XKR5: variants seen among roughly 807,000 people sequenced by gnomAD.
The protein encoded by XKR5 is XK-related protein 5.
XKR5 carries 46 observed loss-of-function variants against 40.8 expected under a neutral mutation model. That is an observed-to-expected ratio of 1.13 (90% CI 0.89 to 1.44). The LOEUF is 1.44. Among genes scored for constraint, XKR5 ranks in the 40% most tolerant of loss-of-function variants. The pLI is 0.00. For synonymous variants in XKR5, 466 were observed against 356.1 expected, an observed-to-expected ratio of 1.31 and a Z score of -3.48; for missense variants, 1,169 against 844.7, an observed-to-expected ratio of 1.38 and a Z score of -4.76.
intron 5 of XKR5, among the ~76,000 whole-genome samples, chr8:6,817,480 A>G (rs543931825): frequency 6.6e-6 from 1 of 152,108 alleles, no homozygotes; most frequent in South Asian, 2.1e-4. Context: ...CTCCAGACTC[A>G]GCACATATGA....
rs1045936571 is a variant in XKR5, at chr8:6,811,066, T to G, written c.*132A>C. ...GCCCTGTTTCTTCATTTTTCAGGGA[T>G]GCAGATGGAGATTCAGAGGTGACAG... On this transcript the variant is annotated 3_prime_UTR_variant, in exon 7 of 7. Coordinates refer to ENST00000618742, the MANE Select transcript of XKR5 (RefSeq NM_207411.5). 8.0e-5 allele frequency: 74 copies of G among 929,488 alleles called. No individual in the cohort carries two copies. Among genetic ancestry groups the G allele is most frequent in the Non-Finnish European group, 1.0e-4 (64 of 640,242 alleles). 57.6% of individuals were successfully genotyped at this position (929,488 alleles called of 1,614,324 possible).
In XKR5 at chr8:6,823,665, C is replaced by A; in HGVS notation, c.493G>T (p.Gly165Cys). The part of the protein sequence containing the change: ...WALVSYTRFM[G>C]FMKPGHLAMP... ...GCCAGGTGGCCTGGCTTCATGAAGC[C>A]CATGAAGCGAGTGTAGGACACCAGT... Residue 165 changes from glycine (G) to cysteine (C), a missense_variant, in exon 4 of 7, where the codon GGC becomes TGC. Transcript: ENST00000618742. 1 of 1,591,670 alleles carries A rather than the reference C, an allele frequency of 6.3e-7. No homozygotes were observed. The highest frequency in any genetic ancestry group is 8.6e-7 in the Non-Finnish European group (1 of 1,169,158).
intron 3 of XKR5, among the ~76,000 whole-genome samples, chr8:6,824,525 A>AATT (rs141743137): frequency 1.6e-4 from 25 of 151,736 alleles, no homozygotes; most frequent in East Asian, 1.9e-4. Context: ...CTTTGTTAAG[A>AATT]ATTATTATTA....
chr8:6,828,163 C>A (rs2702924), intron 2 of XKR5, among the ~76,000 whole-genome samples: 27,462 of 152,088 alleles, frequency 0.18, 2,825 homozygotes, highest in South Asian at 0.28. Flanking sequence ...CGAAAAGCTT[C>A]AAGAGGAAGA....
intron 5 of XKR5, among the ~76,000 whole-genome samples, chr8:6,818,877 C>T (rs543535684): frequency 2.6e-5 from 4 of 152,194 alleles, no homozygotes; most frequent in South Asian, 4.2e-4. Flanking sequence ...AAAGGCCCTA[C>T]GAAAAAGTAT....
Position 6,832,871 on chromosome 8 carries a change from T to G in XKR5, c.88A>C (p.Thr30Pro). The change falls in exon 2 of 7, where the codon ACA becomes CCA. Residue 30 changes from threonine (T) to proline (P), a missense_variant. Physicochemically the swap from Thr to Pro is conservative, Grantham distance 38 (BLOSUM62 -1). Coordinates refer to ENST00000618742, the MANE Select transcript of XKR5 (RefSeq NM_207411.5). ...AGCCACCCCCACAGAAGCCGTCCTG[T>G]GGTGAAGTAGTAAGCCACGGTGTAA... ...RLYTVAYYFT[T>P]GRLLWGWLAL... 8.1e-6 allele frequency: 13 copies of G among 1,605,564 alleles called. No homozygotes were observed. Among genetic ancestry groups the G allele is most frequent in the Non-Finnish European group, 1.1e-5 (13 of 1,176,954 alleles).
intron 2 of XKR5, among the ~76,000 whole-genome samples, chr8:6,829,939 G>A (rs529139408): frequency 2.0e-4 from 27 of 136,530 alleles, no homozygotes; most frequent in African/African-American, 7.2e-4. Context: ...ACGGGTTCAT[G>A]CCATTCTCCT....
intron 5 of XKR5, 61 bp from the exon 6 acceptor site, chr8:6,815,979 G>A (rs749018251): frequency 1.7e-5 from 22 of 1,297,896 alleles, no homozygotes; most frequent in Admixed American, 5.9e-5. Flanking sequence ...AGGGACCCCC[G>A]TCCCGTGAGT....
At chr8:6,825,701 C>G (rs1804440495) in intron 2 of XKR5, among the ~76,000 whole-genome samples, 1 of 152,114 alleles carries the variant, frequency 6.6e-6, no homozygotes, top group Non-Finnish European at 1.5e-5. Flanking sequence ...ACCCCGGATC[C>G]TCTTGGGATG....
rs1803586348 is a variant in XKR5 at position 6,809,518 on chromosome 8, G to C, written c.*1680C>G. ...TGCCCAGGCTGGTCTCGAACTTCTGGCCTCAAGTGATCTTCCCGCCTCAGC... is the reference window on the plus strand; with the variant it reads ...TGCCCAGGCTGGTCTCGAACTTCTGCCCTCAAGTGATCTTCCCGCCTCAGC... On this transcript the variant is annotated 3_prime_UTR_variant, in exon 7 of 7. Coordinates refer to ENST00000618742, the MANE Select transcript of XKR5 (RefSeq NM_207411.5). 6.6e-6 allele frequency: 1 copy of C among 152,038 alleles called. No individual in the cohort carries two copies. The highest frequency in any genetic ancestry group is 2.4e-5 in the African/African-American group (1 of 41,386). The allele number at this position is 152,038 out of a possible 1,614,324, so 9.4% of individuals were successfully genotyped here. A position where few individuals can be genotyped will look rare whatever the true frequency, so the allele number is the denominator to read the frequency against.
Position 6,811,893 on chromosome 8 carries a change from G to C in XKR5, c.1366C>G (p.Pro456Ala). 6.5e-7 allele frequency: 1 copy of C among 1,537,456 alleles called. No homozygotes were observed. Among genetic ancestry groups the C allele is most frequent in the Non-Finnish European group, 8.7e-7 (1 of 1,146,952 alleles). The change falls in exon 7 of 7, where the codon CCA becomes GCA. Residue 456 changes from proline to alanine, a missense_variant. Transcript: ENST00000618742. ...GTTGAGGGGTCACGGGATGAGGATG[G>C]GAGCTCTTGCTGGGCAGACAAGGCC... Reference protein sequence around the residue: ...RKALSAQQELPSSSRDPSTLE... With the variant: ...RKALSAQQELASSSRDPSTLE...
intron 2 of XKR5, among the ~76,000 whole-genome samples, chr8:6,829,813 G>A (rs1236893925): frequency 1.4e-5 from 2 of 145,000 alleles, no homozygotes; most frequent in Admixed American, 1.4e-4. Context: ...CGTCACGCCA[G>A]GCCAAATTCT....
chr8:6,815,800 G>T lies in XKR5; in HGVS notation c.919+7C>A, dbSNP rs1263592179. On this transcript the variant is annotated splice_region_variant and intron_variant, in intron 6 of 6. Coordinates refer to ENST00000618742, the MANE Select transcript of XKR5 (RefSeq NM_207411.5). The stretch of plus-strand genomic sequence containing the variant: ...GATGCAGAGAAGAAGGTGACATTGG[G>T]ACTTACCAATCAGAAATCCAGACAG... The T allele has an allele frequency of 1.3e-6, 2 of 1,580,098 alleles. No homozygotes were observed.
In XKR5 at chr8:6,811,739, T is replaced by C. The variant is rs753034782; in HGVS notation, c.1520A>G (p.Gln507Arg). The change falls in exon 7 of 7, where the codon CAG (glutamine) becomes CGG (arginine). Residue 507 changes from glutamine (Q) to arginine (R), a missense_variant. Physicochemically the swap from Gln to Arg is conservative, Grantham distance 43 (BLOSUM62 1). Coordinates refer to ENST00000618742, the MANE Select transcript of XKR5 (RefSeq NM_207411.5). ...TCCTTCCTTTGGGGTGCCCTCCCCC[T>C]GCGTGGCTGCTGGGTTCTGGGTAGG... ...EAPTQNPAAT[Q>R]GEGTPKEGAD... is the part of the protein sequence containing the mutation. 43 of 1,537,468 alleles carry C rather than the reference T, an allele frequency of 2.8e-5. No homozygotes were observed. The highest frequency in any genetic ancestry group is 1.7e-4 in the Middle Eastern group (1 of 6,014).
Position 6,809,993 on chromosome 8 carries a change from G to C in XKR5, c.*1205C>G, listed in dbSNP as rs933555958. The C allele has an allele frequency of 6.6e-6, 1 of 152,198 alleles. No individual in the cohort carries two copies. Among genetic ancestry groups the C allele is most frequent in the African/African-American group, 2.4e-5 (1 of 41,428 alleles). The allele number at this position is 152,198 out of a possible 1,614,324, so 9.4% of individuals were successfully genotyped here. A position where few individuals can be genotyped will look rare whatever the true frequency, so the allele number is the denominator to read the frequency against. ...CAGGCATGGTGCCCACCTGCCAGTA[G>C]TCCCAGCTACTCGAGAGGCTGAGGT... is the stretch of plus-strand genomic sequence containing the variant. On this transcript the variant is annotated 3_prime_UTR_variant, in exon 7 of 7. Coordinates refer to ENST00000618742, the MANE Select transcript of XKR5 (RefSeq NM_207411.5).
At chr8:6,828,582 G>T (rs932757326) in intron 2 of XKR5, among the ~76,000 whole-genome samples, 1 of 152,208 alleles carries the variant, frequency 6.6e-6, no homozygotes, top group Non-Finnish European at 1.5e-5. Context: ...GCGGGATGGA[G>T]AGCGTGGGGA....
intron 5 of XKR5, among the ~76,000 whole-genome samples, chr8:6,816,377 G>C (rs866570731): frequency 6.6e-6 from 1 of 152,222 alleles, no homozygotes; most frequent in Middle Eastern, 3.4e-3. Context: ...TTAGGATTTT[G>C]TTTCCTTAAA....
At chr8:6,814,358 G>C (rs1373538159) in intron 6 of XKR5, among the ~76,000 whole-genome samples, 1 of 152,182 alleles carries the variant, frequency 6.6e-6, no homozygotes, top group African/African-American at 2.4e-5. Context: ...GCTCTGCCAA[G>C]TGAACAAGAC....
chr8:6,833,643 G>A lies in XKR5; in HGVS notation c.59-743C>T, dbSNP rs577225659. On this transcript the variant is annotated intron_variant, in intron 1 of 6. Coordinates refer to ENST00000618742, the MANE Select transcript of XKR5 (RefSeq NM_207411.5). ...AGGCACCAGAATGGCTTCAACTCAG[G>A]AGGCGGAGTTTGCAGTGAGTCGAGA... 1.1e-4 allele frequency among the ~76,000 whole-genome samples: 17 copies of A among 152,276 alleles called. No individual in the cohort carries two copies. In the East Asian group the frequency reaches 2.9e-3, roughly 26 times the overall value.
Sources: allele counts gnomAD v4.1 joint callset (sites outside exome capture counted in the v4.1 genomes callset), GRCh38; gene constraint gnomAD v4.1.1; transcripts MANE v1.5; gene names NCBI Gene and HGNC (gene_info 2026-07-23, HGNC 2026-07-21).